Variants in JCAD observed in about 807,000 individuals in gnomAD.
The protein encoded by JCAD is junctional cadherin 5 associated.
Under a neutral mutation model 98.0 loss-of-function variants are expected in JCAD, and 40 were observed. That is an observed-to-expected ratio of 0.41 (90% CI 0.32 to 0.53). The LOEUF (loss-of-function observed/expected upper bound fraction) is 0.53, where lower values mean the gene tolerates loss of function less well. Among genes scored for constraint, JCAD ranks in the 20% least tolerant of loss-of-function variants. The pLI, the probability that JCAD is intolerant of heterozygous loss-of-function variation, is 0.31. For synonymous variants in JCAD, 691 were observed against 682.3 expected, an observed-to-expected ratio of 1.01 and a Z score of -0.20; for missense variants, 1,705 against 1,738.1, an observed-to-expected ratio of 0.98 and a Z score of 0.34.
intron 1 of JCAD, among the ~76,000 whole-genome samples, chr10:30,103,481 A>G (rs1463726313): frequency 2.0e-5 from 3 of 152,234 alleles, no homozygotes; most frequent in African/African-American, 7.2e-5. Flanking sequence ...TAAGAGTTGG[A>G]AGGAACTTCA....
intron 1 of JCAD, among the ~76,000 whole-genome samples, chr10:30,081,452 G>C (rs1381493508): frequency 6.6e-6 from 1 of 152,086 alleles, no homozygotes; most frequent in Non-Finnish European, 1.5e-5. Context: ...TTTTATTTTT[G>C]AGATAGTCTT....
chr10:30,074,239 C>T (rs1837942423), intron 1 of JCAD, among the ~76,000 whole-genome samples: 1 of 152,106 alleles, frequency 6.6e-6, no homozygotes. Context: ...ACTTCACTTC[C>T]TTTCACCACT....
Position 30,028,919 on chromosome 10 carries a change from T to C in JCAD, c.1229A>G (p.His410Arg), listed in dbSNP as rs2132618057. ...GTCATAGGCAGTGACAGGTCGGGGA[T>C]GTGCGGGGAGCCCCTGAGGCAAGCG... is the stretch of plus-strand genomic sequence containing the variant. ...SPRLPQGLPA[H>R]PRPVTAYDGF... Residue 410 changes from histidine to arginine, a missense_variant, in exon 3 of 4, where the codon CAT (histidine) becomes CGT (arginine). Physicochemically the swap from His to Arg is conservative, Grantham distance 29 (BLOSUM62 0). Around this residue, in one of 3 missense-constraint regions of JCAD, gnomAD observed 1,278 missense variants for 1,243.1 expected, o/e 1.03. Transcript: ENST00000375377. 1 of 1,614,128 alleles carries C rather than the reference T, an allele frequency of 6.2e-7. No individual in the cohort carries two copies. The highest frequency in any genetic ancestry group is 2.2e-5 in the East Asian group (1 of 44,870).
chr10:30,028,427 T>C lies in JCAD; in HGVS notation c.1721A>G (p.Lys574Arg). Residue 574 changes from lysine (K) to arginine (R), a missense_variant, in exon 3 of 4, where the codon AAA becomes AGA. Lys to Arg is a conservative substitution (Grantham distance 26). Around this residue, in one of 3 missense-constraint regions of JCAD, gnomAD observed 1,278 missense variants for 1,243.1 expected, o/e 1.03. Coordinates refer to ENST00000375377, the MANE Select transcript of JCAD (RefSeq NM_020848.4). ...GTRTKKSSKKKMNETIFCLVS... is the reference protein window; with the variant it reads ...GTRTKKSSKKRMNETIFCLVS... ...CAAGCAAAATATAGTCTCGTTCATTTTTTTCTTTGAACTTTTCTTGGTCCG... is the reference window on the plus strand; with the variant it reads ...CAAGCAAAATATAGTCTCGTTCATTCTTTTCTTTGAACTTTTCTTGGTCCG... The C allele has an allele frequency of 6.2e-7, 1 of 1,614,206 alleles. No homozygotes were observed. The highest frequency in any genetic ancestry group is 1.1e-5 in the South Asian group (1 of 91,086).
Position 30,029,518 on chromosome 10 carries a change from G to A in JCAD, c.630C>T (p.Asp210=). The A allele has an allele frequency of 6.2e-7, 1 of 1,614,212 alleles. No homozygotes were observed. Among genetic ancestry groups the A allele is most frequent in the Non-Finnish European group, 8.5e-7 (1 of 1,180,040 alleles). Residue 210 remains aspartate (D), a synonymous_variant, in exon 3 of 4, where the codon GAC becomes GAT. Transcript: ENST00000375377. ...SDGDGERLFQ[D]LYPFIQGEHV... Reference sequence around the variant, plus strand: ...GTTCTCCTTGAATGAATGGGTACAGGTCTTGAAACAGTCTCTCCCCATCTC... The same window carrying A: ...GTTCTCCTTGAATGAATGGGTACAGATCTTGAAACAGTCTCTCCCCATCTC...
At chr10:30,063,608 T>TA (rs1004900283), upstream of JCAD, among the ~76,000 whole-genome samples, 24 of 150,972 alleles carry the variant, frequency 1.6e-4, no homozygotes, top group Admixed American at 4.0e-4. Context: ...AACGCTCTTT[T>TA]AAAAAAAAAA....
chr10:30,109,936 C>T (rs1564476138), intron 1 of JCAD, among the ~76,000 whole-genome samples: 2 of 151,836 alleles, frequency 1.3e-5, no homozygotes, highest in South Asian at 2.1e-4. Context: ...ATGTAGACCC[C>T]CCTGTGTATG....
chr10:30,024,964 GGA>G (rs1836757666), intron 3 of JCAD, among the ~76,000 whole-genome samples: 1 of 151,978 alleles, frequency 6.6e-6, no homozygotes, highest in Non-Finnish European at 1.5e-5. Flanking sequence ...CAAAGTGTTG[GGA>G]TTACAGGCTT....
intron 3 of JCAD, among the ~76,000 whole-genome samples, chr10:30,021,290 C>T (rs562794920): frequency 1.3e-5 from 2 of 152,334 alleles, no homozygotes; most frequent in South Asian, 4.1e-4. Flanking sequence ...CCTCAAACTC[C>T]TGGACTGAAG....
At chr10:30,044,485 G>A (rs914125694) in intron 2 of JCAD, among the ~76,000 whole-genome samples, 3 of 152,060 alleles carry the variant, frequency 2.0e-5, no homozygotes, top group African/African-American at 7.2e-5. Context: ...CACGCTGATG[G>A]CTTCAAGTTG....
intron 1 of JCAD, among the ~76,000 whole-genome samples, chr10:30,051,284 G>GCACACACACACGCACACACA (rs1554798254): frequency 6.8e-6 from 1 of 146,764 alleles, no homozygotes; most frequent in African/African-American, 2.5e-5. Context: ...ACACACGCAC[G>GCACACACACACGCACACACA]CACACACACA....
upstream of JCAD, among the ~76,000 whole-genome samples, chr10:30,064,211 G>A (rs1837747862): frequency 6.6e-6 from 1 of 151,952 alleles, no homozygotes. Flanking sequence ...GGATTAATGG[G>A]TTATCATGGC....
At chr10:30,060,390 G>T (rs1244102259), upstream of JCAD, among the ~76,000 whole-genome samples, 1 of 152,188 alleles carries the variant, frequency 6.6e-6, no homozygotes, top group Non-Finnish European at 1.5e-5. Flanking sequence ...GGGGTCATTT[G>T]GGTAACCCCA....
In JCAD at chr10:30,027,500, C is replaced by G; in HGVS notation, c.2648G>C (p.Gly883Ala). Residue 883 changes from glycine to alanine, a missense_variant, in exon 3 of 4, where the codon GGA becomes GCA. This residue lies in a region of JCAD where 1,278 missense variants were observed against 1,243.1 expected (regional missense o/e 1.03). Coordinates refer to ENST00000375377, the MANE Select transcript of JCAD (RefSeq NM_020848.4). ...HCRQEDVGFR[G>A]NSPEMRVEPQ... ...CTCAACCCTCATTTCCGGGCTGTTT[C>G]CGCGGAAGCCCACATCCTCCTGTCT... The G allele has an allele frequency of 1.9e-6, 3 of 1,609,522 alleles. No individual in the cohort carries two copies. Among genetic ancestry groups the G allele is most frequent in the Non-Finnish European group, 2.5e-6 (3 of 1,180,026 alleles).
chr10:30,096,182 TC>T (rs1222961731), intron 1 of JCAD, among the ~76,000 whole-genome samples: 1 of 152,164 alleles, frequency 6.6e-6, no homozygotes, highest in African/African-American at 2.4e-5. Context: ...CTCTCTGTCT[TC>T]CTGACTCACC....
At chr10:30,018,410 G>A (rs979703173) in intron 3 of JCAD, among the ~76,000 whole-genome samples, 5 of 151,544 alleles carry the variant, frequency 3.3e-5, no homozygotes, top group Non-Finnish European at 7.4e-5. Context: ...CTGACTGCTT[G>A]GCTGGCAGAG....
At chr10:30,086,235 T>C (rs1484160567) in intron 1 of JCAD, among the ~76,000 whole-genome samples, 1 of 152,230 alleles carries the variant, frequency 6.6e-6, no homozygotes, top group Non-Finnish European at 1.5e-5. Context: ...AAAGTCTACT[T>C]ATTGTCTGCC....
At chr10:30,033,938 C>A (rs1242386989) in intron 2 of JCAD, among the ~76,000 whole-genome samples, 1 of 152,132 alleles carries the variant, frequency 6.6e-6, no homozygotes, top group African/African-American at 2.4e-5. Context: ...AACTCTGTAT[C>A]CAAGGCCGGG....
intron 3 of JCAD, 87 bp from the exon 4 acceptor site, chr10:30,018,004 G>A: frequency 9.7e-7 from 1 of 1,029,972 alleles, no homozygotes; most frequent in Admixed American, 2.1e-5. Flanking sequence ...ATTTGTCTAG[G>A]GAACAAAATC....
Sources: allele counts gnomAD v4.1 joint callset (sites outside exome capture counted in the v4.1 genomes callset), GRCh38; gene constraint gnomAD v4.1.1; regional missense constraint gnomAD v4.1.1; transcripts MANE v1.5; gene names NCBI Gene and HGNC (gene_info 2026-07-23, HGNC 2026-07-21).